Variants in PLCB4 observed in about 807,000 individuals in gnomAD.
The protein encoded by PLCB4 is 1-phosphatidylinositol 4,5-bisphosphate phosphodiesterase beta-4.
A neutral mutation model predicts 178.8 loss-of-function variants in PLCB4; 77 were observed. The ratio of observed to expected loss-of-function variants is 0.43; its 90% CI spans 0.36 to 0.52. The LOEUF (loss-of-function observed/expected upper bound fraction) is 0.52. PLCB4 is among the 20% of genes least tolerant of loss of function. The probability of loss-of-function intolerance (pLI) is 0.00; values close to 1 mark genes in which losing one functional copy is unlikely to be tolerated. For synonymous variants in PLCB4, 496 were observed against 490.8 expected (o/e 1.01, Z -0.14); for missense variants, 1,024 against 1,453.4 (o/e 0.70, Z 4.80).
At chr20:9,148,836 A>C (rs377636469) in intron 2 of PLCB4, among the ~76,000 whole-genome samples, 8 of 152,200 alleles carry the variant, frequency 5.3e-5, no homozygotes, top group African/African-American at 1.9e-4. Flanking sequence ...TAATAAACAG[A>C]ATAATTGAAA....
chr20:9,407,743 G>T (rs983782539), intron 21 of PLCB4, among the ~76,000 whole-genome samples, 174 bp from the exon 22 acceptor site: 2 of 152,276 alleles, frequency 1.3e-5, no homozygotes, highest in East Asian at 3.9e-4. Context: ...GCATTATTCA[G>T]AGCTACAACA....
rs1051879088 is a variant in PLCB4, at chr20:9,272,631, T to C, written c.-15-35169T>C. Reference sequence around the variant, plus strand: ...GGCAAGTCATATATTTACTCAGTTCTTTTGTGCAAAGCAAGTAAGCTACCA... The same window carrying C: ...GGCAAGTCATATATTTACTCAGTTCCTTTGTGCAAAGCAAGTAAGCTACCA... On this transcript the variant is annotated intron_variant, in intron 3 of 39. Transcript: ENST00000378473. 1.3e-5 allele frequency among the ~76,000 whole-genome samples: 2 copies of C among 152,146 alleles called. 1 individual carries two copies. The highest frequency in any genetic ancestry group is 1.3e-4 in the Admixed American group (2 of 15,270).
chr20:9,091,027 G>A (rs1207191553), intron 1 of PLCB4, among the ~76,000 whole-genome samples: 2 of 152,034 alleles, frequency 1.3e-5, no homozygotes, highest in East Asian at 1.9e-4. Context: ...TAGACACAGT[G>A]GGTTTTATTT....
At chr20:9,412,097 G>A (rs890297981) in intron 25 of PLCB4, among the ~76,000 whole-genome samples, 1 of 152,222 alleles carries the variant, frequency 6.6e-6, no homozygotes, top group Admixed American at 6.5e-5. Context: ...CCTGGAGCAT[G>A]CCCTACATTT....
intron 3 of PLCB4, among the ~76,000 whole-genome samples, chr20:9,244,887 C>T (rs138135585): frequency 9.4e-4 from 143 of 152,188 alleles, no homozygotes; most frequent in African/African-American, 3.2e-3. Context: ...ATTTAGTCTT[C>T]TTCTTGAGTC....
At chr20:9,175,918 T>C (rs1452380888) in intron 2 of PLCB4, among the ~76,000 whole-genome samples, 1 of 152,178 alleles carries the variant, frequency 6.6e-6, no homozygotes, top group Non-Finnish European at 1.5e-5. Context: ...CATTTTGCAT[T>C]GCGTGAGTCT....
At chr20:9,112,452 C>T (rs1210700965) in intron 2 of PLCB4, among the ~76,000 whole-genome samples, 7 of 151,838 alleles carry the variant, frequency 4.6e-5, no homozygotes, top group Admixed American at 3.9e-4. Context: ...TGGGGTTTCA[C>T]CATGTTGGCC....
At chr20:9,073,099 C>T (rs1019074193) in intron 1 of PLCB4, among the ~76,000 whole-genome samples, 8 of 152,180 alleles carry the variant, frequency 5.3e-5, no homozygotes, top group African/African-American at 1.9e-4. Flanking sequence ...TACCCTTGGG[C>T]CAGGCAAATC....
intron 3 of PLCB4, among the ~76,000 whole-genome samples, chr20:9,305,085 A>G (rs1432329110): frequency 7.1e-6 from 1 of 140,032 alleles, no homozygotes; most frequent in Non-Finnish European, 1.5e-5. Flanking sequence ...AGTTTTCAAA[A>G]TATTTCTGTA....
At chr20:9,382,673 G>A (rs993202837) in intron 13 of PLCB4, among the ~76,000 whole-genome samples, 4 of 152,150 alleles carry the variant, frequency 2.6e-5, no homozygotes, top group Admixed American at 6.5e-5. Context: ...CCTCAGAAGG[G>A]CTTTCACTGG....
intron 39 of PLCB4, 30 bp from the exon 40 acceptor site, chr20:9,478,891 A>G: frequency 6.4e-7 from 1 of 1,563,102 alleles, no homozygotes; most frequent in African/African-American, 1.4e-5. Flanking sequence ...GGATTTCAAC[A>G]CACGTAAGGC....
intron 33 of PLCB4, among the ~76,000 whole-genome samples, chr20:9,455,565 G>C (rs2043007093): frequency 6.6e-6 from 1 of 151,960 alleles, no homozygotes; most frequent in Non-Finnish European, 1.5e-5. Flanking sequence ...CCCCCAAACA[G>C]GCTATTGAGT....
At chr20:9,143,213 C>T (rs2092530094) in intron 2 of PLCB4, among the ~76,000 whole-genome samples, 1 of 152,116 alleles carries the variant, frequency 6.6e-6, no homozygotes, top group South Asian at 2.1e-4. Flanking sequence ...CATTGGCTGA[C>T]TCGTTTGTTG....
At chr20:9,073,034 C>T (rs2089649616) in intron 1 of PLCB4, among the ~76,000 whole-genome samples, 1 of 152,144 alleles carries the variant, frequency 6.6e-6, no homozygotes, top group Non-Finnish European at 1.5e-5. Flanking sequence ...CTTCAAAGCT[C>T]AAAGGATCTT....
chr20:9,437,248 T>A, intron 30 of PLCB4, 96 bp downstream of exon 30: 2 of 1,151,072 alleles, frequency 1.7e-6, no homozygotes, highest in Admixed American at 2.7e-5. Context: ...AATTCGAAGT[T>A]CTTTGTGGGA....
chr20:9,073,372 G>A (rs939270936), intron 1 of PLCB4, among the ~76,000 whole-genome samples: 1 of 152,100 alleles, frequency 6.6e-6, no homozygotes, highest in South Asian at 2.1e-4. Flanking sequence ...GTGGGTCCAC[G>A]AATGTGGCTG....
At position 9,307,175 on chromosome 20, in the gene PLCB4, G is replaced by A. The variant is rs543823978; in HGVS notation, c.-15-625G>A. Among the ~76,000 whole-genome samples the A allele has an allele frequency of 1.8e-4, 27 of 152,264 alleles. 1 individual carries two copies. The highest frequency in any genetic ancestry group is 4.6e-4 in the African/African-American group (19 of 41,554). On this transcript the variant is annotated intron_variant, in intron 3 of 39. Coordinates refer to ENST00000378473, the MANE Select transcript of PLCB4 (RefSeq NM_001377142.1). ...CACCTCAGTGGGCAGGCTGGTTGGA[G>A]TTTCTCCAGGGACCCCCTATGAGCT...
At chr20:9,214,079 G>C (rs2093702014) in intron 2 of PLCB4, among the ~76,000 whole-genome samples, 2 of 151,936 alleles carry the variant, frequency 1.3e-5, no homozygotes, top group Admixed American at 6.6e-5. Context: ...TCACTTTTTT[G>C]ACGGTGTACT....
At chr20:9,478,823 TG>T in intron 39 of PLCB4, 97 bp from the exon 40 acceptor site, 1 of 853,020 alleles carries the variant, frequency 1.2e-6, no homozygotes, top group Non-Finnish European at 2.0e-6. Context: ...AAGGATGTGG[TG>T]ACAGGATCAT....
Sources: allele counts gnomAD v4.1 joint callset (sites outside exome capture counted in the v4.1 genomes callset), GRCh38; gene constraint gnomAD v4.1.1; transcripts MANE v1.5; gene names NCBI Gene and HGNC (gene_info 2026-07-23, HGNC 2026-07-21).